The following MED13 variants were observed in gnomAD, a reference collection of about 807,000 sequenced individuals.
The protein encoded by MED13 is mediator of RNA polymerase II transcription subunit 13.
MED13 carries 23 observed loss-of-function variants against 225.2 expected under a neutral mutation model. The observed-to-expected ratio is 0.10, with a 90% CI of 0.07 to 0.14. The LOEUF is 0.14. MED13 is among the 10% of genes least tolerant of loss of function. MED13 has a pLI of 1.00. For synonymous variants in MED13, 942 were observed against 889.2 expected, an observed-to-expected ratio of 1.06 and a Z score of -1.06; for missense variants, 2,197 against 2,594.5, an observed-to-expected ratio of 0.85 and a Z score of 3.33.
chr17:61,984,028 A>C (rs2143467039), intron 15 of MED13, 143 bp downstream of exon 15: 1 of 579,574 alleles, frequency 1.7e-6, no homozygotes, highest in Non-Finnish European at 2.7e-6. Context: ...GCTCCCAGCC[A>C]ATCACTATAA....
chr17:61,997,149 A>T (rs1376164419), intron 9 of MED13, among the ~76,000 whole-genome samples: 1 of 152,222 alleles, frequency 6.6e-6, no homozygotes, highest in Non-Finnish European at 1.5e-5. Context: ...TATCTCATTC[A>T]TCTATTCACT....
intron 17 of MED13, among the ~76,000 whole-genome samples, chr17:61,969,365 A>C (rs1433422645): frequency 6.7e-6 from 1 of 150,344 alleles, no homozygotes; most frequent in African/African-American, 2.5e-5. Flanking sequence ...AAACAAACAA[A>C]CAAAAAATTG....
chr17:61,975,800 G>T (rs1407230609), intron 16 of MED13, among the ~76,000 whole-genome samples: 3 of 152,222 alleles, frequency 2.0e-5, no homozygotes, highest in Non-Finnish European at 4.4e-5. Flanking sequence ...CAGGTCACCT[G>T]AGGTCAGGAG....
intron 3 of MED13, among the ~76,000 whole-genome samples, chr17:62,039,369 A>T (rs573865226): frequency 1.3e-5 from 2 of 151,876 alleles, no homozygotes; most frequent in Non-Finnish European, 2.9e-5. Context: ...TGCAGCCTCC[A>T]CTTCCCAGGT....
At chr17:62,001,983 T>A (rs1312810500) in intron 9 of MED13, among the ~76,000 whole-genome samples, 2 of 152,182 alleles carry the variant, frequency 1.3e-5, no homozygotes, top group Admixed American at 1.3e-4. Flanking sequence ...TAAAATTAAC[T>A]GCTAAACATT....
chr17:61,946,882 G>A, intron 29 of MED13, 35 bp downstream of exon 29: 1 of 1,506,028 alleles, frequency 6.6e-7, no homozygotes, highest in Non-Finnish European at 9.2e-7. Flanking sequence ...TTTTAAAGTT[G>A]CAGTGACAAA....
chr17:62,021,321 A>AC (rs1298408339), intron 8 of MED13, among the ~76,000 whole-genome samples: 21 of 115,748 alleles, frequency 1.8e-4, no homozygotes, highest in Admixed American at 2.8e-4. Flanking sequence ...CGGGGGGCTG[A>AC]CCCCCCCACC....
chr17:62,007,631 G>C (rs1226741083), intron 9 of MED13: 5 of 152,254 alleles, frequency 3.3e-5, no homozygotes, highest in African/African-American at 1.2e-4. Flanking sequence ...GGCGGATCAC[G>C]AGGTCGGGAG....
chr17:62,063,471 T>G (rs1377000066), intron 1 of MED13, among the ~76,000 whole-genome samples, 170 bp from the exon 2 acceptor site: 1 of 152,130 alleles, frequency 6.6e-6, no homozygotes, highest in Non-Finnish European at 1.5e-5. Context: ...AACCAAGAAT[T>G]TTAGGGAGAA....
chr17:61,985,981 C>T (rs1223320263), intron 12 of MED13, among the ~76,000 whole-genome samples: 1 of 152,178 alleles, frequency 6.6e-6, no homozygotes, highest in Non-Finnish European at 1.5e-5. Flanking sequence ...TTACTATCTC[C>T]AAGCTCTTAC....
chr17:62,058,413 C>T (rs534067363), intron 2 of MED13, among the ~76,000 whole-genome samples: 41 of 149,396 alleles, frequency 2.7e-4, no homozygotes, highest in Middle Eastern at 3.6e-3. Context: ...CCCAACTACT[C>T]GGGAGGCTGA....
At chr17:62,027,927 G>A (rs548232711) in intron 8 of MED13, among the ~76,000 whole-genome samples, 11 of 152,252 alleles carry the variant, frequency 7.2e-5, no homozygotes, top group African/African-American at 2.4e-4. Flanking sequence ...AGATGCTGGC[G>A]AGGTTGAGAA....
In MED13 at chr17:61,982,375, G is replaced by A. The variant is rs759251419; in HGVS notation, c.3628C>T (p.Pro1210Ser). 6 of 1,614,176 alleles carry A rather than the reference G, an allele frequency of 3.7e-6. No individual in the cohort carries two copies. Among genetic ancestry groups the A allele is most frequent in the East Asian group, 4.5e-5 (2 of 44,878 alleles). ...CTAATTACACCACTTTTAGGAAAAG[G>A]ATCTTGGTCTGCTGCTCCAAAGGGT... ...FSPFGAADQDPFPKSGVISNW... is the reference protein window; with the variant it reads ...FSPFGAADQDSFPKSGVISNW... Residue 1210 changes from proline (P) to serine (S), a missense_variant, in exon 16 of 30, where the codon CCT becomes TCT. Transcript: ENST00000397786.
intron 17 of MED13, 99 bp from the exon 18 acceptor site, chr17:61,968,357 G>A (rs923232144): frequency 1.1e-5 from 10 of 886,486 alleles, no homozygotes; most frequent in Admixed American, 6.9e-5. Flanking sequence ...ACAGAGTCTC[G>A]CTCTGTCGCC....
intron 2 of MED13, among the ~76,000 whole-genome samples, chr17:62,056,553 A>G (rs1271691264): frequency 1.3e-5 from 2 of 152,170 alleles, no homozygotes; most frequent in Non-Finnish European, 2.9e-5. Flanking sequence ...ACTTGAAGCT[A>G]GGAGTTCAAG....
At chr17:61,993,868 T>C (rs1398757251) in intron 10 of MED13, among the ~76,000 whole-genome samples, 3 of 151,664 alleles carry the variant, frequency 2.0e-5, no homozygotes, top group East Asian at 2.0e-4. Flanking sequence ...GAGGCGAAGG[T>C]TGCAGTGACC....
chr17:62,048,621 G>T (rs917111818), intron 3 of MED13, among the ~76,000 whole-genome samples: 2 of 152,022 alleles, frequency 1.3e-5, no homozygotes, highest in African/African-American at 4.8e-5. Context: ...ATGTAAGTGA[G>T]CCCCACCTCC....
At chr17:61,959,721 C>A (rs1352066497) in intron 23 of MED13, among the ~76,000 whole-genome samples, 2 of 145,374 alleles carry the variant, frequency 1.4e-5, no homozygotes, top group African/African-American at 2.6e-5. Context: ...CGATAGAACC[C>A]AAATCTTTTT....
intron 16 of MED13, among the ~76,000 whole-genome samples, 158 bp downstream of exon 16, chr17:61,982,040 G>A (rs978088884): frequency 2.0e-5 from 3 of 152,106 alleles, no homozygotes; most frequent in Non-Finnish European, 2.9e-5. Flanking sequence ...AAACTAAACT[G>A]CTAAGAAATT....
Sources: gnomAD v4.1 joint callset for allele counts (sites outside exome capture counted in the v4.1 genomes callset) on GRCh38, gnomAD v4.1.1 for gene constraint, MANE v1.5 for transcripts, NCBI Gene and HGNC (gene_info 2026-07-23, HGNC 2026-07-21) for gene names.